NTM: variants seen among roughly 807,000 people sequenced by gnomAD.
NTM encodes the protein neurotrimin.
Under a neutral mutation model 42.1 loss-of-function variants are expected in NTM, and 13 were observed. The ratio of observed to expected loss-of-function variants is 0.31; its 90% confidence interval spans 0.20 to 0.49. The LOEUF is 0.49. NTM is among the 20% of genes least tolerant of loss of function. The probability of loss-of-function intolerance (pLI) is 0.99; values close to 1 mark genes in which losing one functional copy is unlikely to be tolerated. For synonymous variants in NTM, 187 were observed against 179.2 expected, an observed-to-expected ratio of 1.04 and a Z score of -0.35; for missense variants, 373 against 452.8, an observed-to-expected ratio of 0.82 and a Z score of 1.60.
intron 1 of NTM, among the ~76,000 whole-genome samples, chr11:131,650,356 A>G (rs557648756): frequency 6.6e-6 from 1 of 152,264 alleles, no homozygotes; most frequent in South Asian, 2.1e-4. Flanking sequence ...GCGAGGGGCC[A>G]TTGCTTCTCC....
chr11:132,032,142 C>A (rs1221439499), intron 2 of NTM, among the ~76,000 whole-genome samples: 1 of 152,186 alleles, frequency 6.6e-6, no homozygotes, highest in East Asian at 1.9e-4. Context: ...CCGCCACTGA[C>A]CATGCATCCA....
intron 2 of NTM, among the ~76,000 whole-genome samples, chr11:132,044,896 C>G (rs1401950770): frequency 1.3e-5 from 2 of 152,000 alleles, no homozygotes; most frequent in Non-Finnish European, 2.9e-5. Flanking sequence ...AAATAGCCTA[C>G]CGACCAAAAA....
At chr11:132,039,816 C>T (rs928953212) in intron 2 of NTM, among the ~76,000 whole-genome samples, 4 of 146,668 alleles carry the variant, frequency 2.7e-5, no homozygotes, top group East Asian at 1.9e-4. Context: ...TCTCTCTCTG[C>T]GGCGCAGTTT....
At chr11:131,819,045 T>C (rs2093068324) in intron 1 of NTM, among the ~76,000 whole-genome samples, 1 of 152,220 alleles carries the variant, frequency 6.6e-6, no homozygotes, top group Non-Finnish European at 1.5e-5. Context: ...TGAAGTTTAG[T>C]GTACCTGCCC....
intron 1 of NTM, among the ~76,000 whole-genome samples, chr11:131,751,849 T>A (rs2082599458): frequency 6.6e-6 from 1 of 151,220 alleles, no homozygotes; most frequent in Non-Finnish European, 1.5e-5. Context: ...CTCACACATT[T>A]GATTATAAGC....
At chr11:131,921,298 G>A (rs1442986107) in intron 2 of NTM, among the ~76,000 whole-genome samples, 2 of 151,970 alleles carry the variant, frequency 1.3e-5, no homozygotes, top group African/African-American at 4.8e-5. Flanking sequence ...GTAAAAAGAT[G>A]CCTATGTGGA....
rs538344987 is a variant in NTM, at chr11:131,704,674, A to T, written c.83-206890A>T. 1.4e-4 allele frequency among the ~76,000 whole-genome samples: 22 copies of T among 152,340 alleles called. No homozygotes were observed. The South Asian group carries it at 4.6e-3, about 32-fold the overall frequency. On this transcript the variant is annotated intron_variant, in intron 1 of 8. Coordinates refer to ENST00000683400, the MANE Select transcript of NTM (RefSeq NM_001352005.2). ...TACAAACTTCCTGACAAAGCATTTA[A>T]AATAATAATCTTAAAGAAGTGCAGT...
chr11:131,866,939 G>C (rs1565648930), intron 1 of NTM, among the ~76,000 whole-genome samples: 1 of 152,156 alleles, frequency 6.6e-6, no homozygotes, highest in Non-Finnish European at 1.5e-5. Flanking sequence ...TGTCTTCCCA[G>C]TTCCCGTGGA....
chr11:131,959,105 T>C (rs1398444143), intron 2 of NTM, among the ~76,000 whole-genome samples: 3 of 152,170 alleles, frequency 2.0e-5, no homozygotes, highest in South Asian at 2.1e-4. Context: ...AAGAGGGTGA[T>C]GTGTATGGCC....
intron 2 of NTM, among the ~76,000 whole-genome samples, chr11:132,097,676 G>C (rs1249682935): frequency 1.3e-5 from 2 of 152,248 alleles, no homozygotes; most frequent in African/African-American, 4.8e-5. Flanking sequence ...TTCTATTTGA[G>C]AATGTCTTGA....
intron 3 of NTM, among the ~76,000 whole-genome samples, chr11:132,150,251 C>T (rs888118242): frequency 6.6e-6 from 1 of 152,092 alleles, no homozygotes; most frequent in African/African-American, 2.4e-5. Flanking sequence ...CTCACTTGCC[C>T]CACCCCCTGC....
intron 1 of NTM, among the ~76,000 whole-genome samples, chr11:131,552,695 G>A (rs1323098923): frequency 2.0e-5 from 3 of 151,532 alleles, no homozygotes; most frequent in Non-Finnish European, 4.4e-5. Flanking sequence ...GCGGGCGCCT[G>A]TAGTCCCAGC....
chr11:131,593,727 A>G lies in NTM; in HGVS notation c.82+222839A>G, dbSNP rs537340812. 2.6e-5 allele frequency among the ~76,000 whole-genome samples: 4 copies of G among 152,234 alleles called. No homozygotes were observed. In the South Asian group the frequency reaches 8.3e-4, roughly 32 times the overall value. On this transcript the variant is annotated intron_variant, in intron 1 of 8. Transcript: ENST00000683400. ...TCAATCTAGTTCTAAAACCTCTTGT[A>G]TTTTGTTGTATTTTCTTTTGCGCCA... is the stretch of plus-strand genomic sequence containing the variant.
chr11:131,799,643 C>T (rs117657966), intron 1 of NTM, among the ~76,000 whole-genome samples: 3 of 152,202 alleles, frequency 2.0e-5, no homozygotes, highest in Non-Finnish European at 4.4e-5. Context: ...ATTGAGGAGG[C>T]AGGTTCTGGA....
At chr11:131,866,725 C>T (rs2047262321) in intron 1 of NTM, among the ~76,000 whole-genome samples, 2 of 152,272 alleles carry the variant, frequency 1.3e-5, no homozygotes, top group East Asian at 1.9e-4. Context: ...TTGGTGGATT[C>T]ATCATTTAGG....
chr11:131,571,515 C>A (rs761260173), intron 1 of NTM, among the ~76,000 whole-genome samples: 1 of 152,184 alleles, frequency 6.6e-6, no homozygotes, highest in Non-Finnish European at 1.5e-5. Context: ...AGCAAAGATG[C>A]AATTCTGGGA....
At chr11:132,192,087 G>A (rs983827761) in intron 3 of NTM, among the ~76,000 whole-genome samples, 28 of 152,118 alleles carry the variant, frequency 1.8e-4, no homozygotes, top group Non-Finnish European at 7.4e-5. Flanking sequence ...CTTGGAAAAC[G>A]TATTTGAGGA....
chr11:131,723,738 T>C (rs985220495), intron 1 of NTM, among the ~76,000 whole-genome samples: 1 of 152,190 alleles, frequency 6.6e-6, no homozygotes, highest in African/African-American at 2.4e-5. Context: ...TCTTTCCTTT[T>C]TCATCTTGTT....
chr11:131,983,754 A>G (rs1048633248), intron 2 of NTM, among the ~76,000 whole-genome samples: 1 of 151,556 alleles, frequency 6.6e-6, no homozygotes, highest in African/African-American at 2.4e-5. Flanking sequence ...TCACTCAACA[A>G]TCTACAATGA....
Sources: gnomAD v4.1 joint callset for allele counts (sites outside exome capture counted in the v4.1 genomes callset) on GRCh38, gnomAD v4.1.1 for gene constraint, MANE v1.5 for transcripts, NCBI Gene and HGNC (gene_info 2026-07-23, HGNC 2026-07-21) for gene names.